ATRX: variants seen among roughly 807,000 people sequenced by gnomAD.
ATRX encodes the protein chromatin remodeler ATRX.
ATRX carries 12 observed loss-of-function variants against 172.6 expected under a neutral mutation model. That is an observed-to-expected ratio of 0.07 (90% confidence interval 0.04 to 0.11). ATRX has a LOEUF of 0.11. Among genes scored for constraint, ATRX ranks in the 10% least tolerant of loss-of-function variants. ATRX has a pLI of 1.00. For missense variants in ATRX, 1,368 were observed against 1,767.4 expected (o/e 0.77, Z 4.05); for synonymous variants, 674 against 594.7 (o/e 1.13, Z -1.94).
chrX:77,576,539 TA>T (rs1228598205), intron 27 of ATRX, among the ~76,000 whole-genome samples: 5 of 111,165 alleles, frequency 4.5e-5, no homozygotes, highest in African/African-American at 1.6e-4. Context: ...ATTCTCTGTA[TA>T]AAAAAACTAG....
intron 23 of ATRX, 79 bp from the exon 24 acceptor site, chrX:77,599,899 A>G (rs1602736498): frequency 1.2e-6 from 1 of 838,156 alleles, no homozygotes; most frequent in Non-Finnish European, 1.8e-6. Flanking sequence ...TCATTTAAGA[A>G]TAAGTTAATT....
chrX:77,772,434 C>A (rs1271765407), intron 1 of ATRX, among the ~76,000 whole-genome samples: 1 of 104,926 alleles, frequency 9.5e-6, no homozygotes, highest in African/African-American at 3.5e-5. Flanking sequence ...AAGTTTGAGA[C>A]CAGCCTGGGA....
Position 77,757,969 on chromosome X carries a change from T to C in ATRX, c.20+28013A>G, listed in dbSNP as rs782642826. Among the ~76,000 whole-genome samples, 11 of 111,000 alleles carry C rather than the reference T, an allele frequency of 9.9e-5. No homozygotes were observed. In the East Asian group the frequency reaches 2.6e-3, roughly 26 times the overall value. On this transcript the variant is annotated intron_variant, in intron 1 of 34. Transcript: ENST00000373344. ...TAAACATGGGAACAGTGACACCTCA[T>C]TCAATCTCTTCTTTCCTATAATAAT... is the stretch of plus-strand genomic sequence containing the variant.
intron 34 of ATRX, among the ~76,000 whole-genome samples, chrX:77,513,523 C>T (rs782065507): frequency 9.1e-6 from 1 of 109,486 alleles, no homozygotes; most frequent in East Asian, 2.9e-4. Flanking sequence ...ATGGGGCTAC[C>T]GCACACCAGG....
intron 15 of ATRX, among the ~76,000 whole-genome samples, chrX:77,648,774 ATT>A (rs1183616415): frequency 8.9e-6 from 1 of 111,754 alleles, no homozygotes; most frequent in East Asian, 2.8e-4. Flanking sequence ...TACATAAATA[ATT>A]TGACTACTTA....
intron 1 of ATRX, among the ~76,000 whole-genome samples, chrX:77,720,760 G>C (rs140921510): frequency 0.038 from 4,207 of 111,669 alleles, 118 homozygotes; most frequent in African/African-American, 0.1. Flanking sequence ...AAGAGGAGCT[G>C]GTACCATTCC....
intron 30 of ATRX, among the ~76,000 whole-genome samples, chrX:77,548,909 C>T (rs1354615775): frequency 8.9e-6 from 1 of 112,153 alleles, no homozygotes; most frequent in Non-Finnish European, 1.9e-5. Context: ...CCATTTTGTT[C>T]TCCCTGTAAT....
intron 22 of ATRX, among the ~76,000 whole-genome samples, chrX:77,615,521 C>T (rs2067319520): frequency 1.8e-5 from 2 of 111,542 alleles, no homozygotes; most frequent in Admixed American, 9.6e-5. Flanking sequence ...ATTATGCCTG[C>T]AATTTTTATT....
chrX:77,526,633 C>G (rs1405732428), intron 30 of ATRX, among the ~76,000 whole-genome samples: 1 of 112,307 alleles, frequency 8.9e-6, no homozygotes, highest in Non-Finnish European at 1.9e-5. Flanking sequence ...CTTTTTAAAA[C>G]AAGCATGTTA....
chrX:77,555,298 C>T (rs782200802), intron 30 of ATRX, among the ~76,000 whole-genome samples: 1 of 111,666 alleles, frequency 9.0e-6, no homozygotes, highest in Non-Finnish European at 1.9e-5. Flanking sequence ...GACAGTGTGG[C>T]GATTCCTCAA....
chrX:77,610,454 G>A (rs1557093342), intron 22 of ATRX, among the ~76,000 whole-genome samples: 1 of 111,774 alleles, frequency 8.9e-6, no homozygotes, highest in Non-Finnish European at 1.9e-5. Flanking sequence ...GATCAGGAAT[G>A]TGGAAGAGAT....
chrX:77,693,602 T>C (rs1348644157), intron 6 of ATRX, among the ~76,000 whole-genome samples: 1 of 111,941 alleles, frequency 8.9e-6, no homozygotes, highest in East Asian at 2.8e-4. Context: ...ATGCTACGCT[T>C]CTTGAGATAA....
chrX:77,769,205 A>C (rs1276511790), intron 1 of ATRX, among the ~76,000 whole-genome samples: 3 of 111,411 alleles, frequency 2.7e-5, no homozygotes. Context: ...AGTATTTTTT[A>C]AATTTTCTAA....
chrX:77,615,254 C>A (rs2067310028), intron 22 of ATRX, among the ~76,000 whole-genome samples: 1 of 111,527 alleles, frequency 9.0e-6, no homozygotes, highest in Non-Finnish European at 1.9e-5. Context: ...CCACTTCAGC[C>A]TCCCAAAGTG....
chrX:77,668,031 A>G (rs1030879951), intron 10 of ATRX, among the ~76,000 whole-genome samples: 18 of 112,136 alleles, frequency 1.6e-4, no homozygotes, highest in African/African-American at 5.8e-4. Flanking sequence ...ATCATTTTGC[A>G]TAAGTTATTA....
chrX:77,676,992 T>C (rs2070907387), intron 9 of ATRX, among the ~76,000 whole-genome samples: 1 of 110,191 alleles, frequency 9.1e-6, no homozygotes, highest in East Asian at 2.9e-4. Context: ...CATGGTGGTG[T>C]GTGCCTGTAA....
At chrX:77,673,026 C>T (rs2070703483) in intron 10 of ATRX, among the ~76,000 whole-genome samples, 1 of 111,245 alleles carries the variant, frequency 9.0e-6, no homozygotes, top group East Asian at 2.8e-4. Context: ...TAAAGACAAG[C>T]CTAGTTTAAT....
intron 30 of ATRX, among the ~76,000 whole-genome samples, chrX:77,526,989 G>C (rs1557043995): frequency 8.9e-6 from 1 of 112,415 alleles, no homozygotes; most frequent in Non-Finnish European, 1.9e-5. Context: ...GAATTTGTTT[G>C]TTTTCTATCT....
chrX:77,580,867 G>C (rs1557073553), intron 27 of ATRX, among the ~76,000 whole-genome samples: 1 of 112,114 alleles, frequency 8.9e-6, no homozygotes, highest in African/African-American at 3.2e-5. Context: ...TCAAGACATA[G>C]TACAATAAGA....
Sources: allele counts gnomAD v4.1 joint callset (sites outside exome capture counted in the v4.1 genomes callset), GRCh38; gene constraint gnomAD v4.1.1; transcripts MANE v1.5; gene names NCBI Gene and HGNC (gene_info 2026-07-23, HGNC 2026-07-21).